Variants in ULK4 observed in about 807,000 individuals in gnomAD.
ULK4 encodes inactive serine/threonine-protein kinase ULK4.
In ULK4, 133 loss-of-function variants were observed where a neutral mutation model predicts 160.6. The ratio of observed to expected loss-of-function variants is 0.83; its 90% CI spans 0.72 to 0.96. The LOEUF is 0.96. ULK4 is among the 40% of genes least tolerant of loss of function. ULK4 has a pLI of 0.00. For missense variants in ULK4, 1,580 were observed against 1,499.5 expected (o/e 1.05, Z -0.89); for synonymous variants, 534 against 539.8 (o/e 0.99, Z 0.15).
At chr3:41,489,631 T>C (rs1016650535) in intron 32 of ULK4, among the ~76,000 whole-genome samples, 10 of 152,162 alleles carry the variant, frequency 6.6e-5, no homozygotes, top group Admixed American at 6.5e-4. Context: ...GTCCAGGCAC[T>C]ATCTGCAAAG....
At chr3:41,251,519 C>G (rs1009513640) in intron 35 of ULK4, among the ~76,000 whole-genome samples, 1 of 152,160 alleles carries the variant, frequency 6.6e-6, no homozygotes, top group Non-Finnish European at 1.5e-5. Flanking sequence ...TTTACCACTT[C>G]TTTCTTAGCC....
intron 35 of ULK4, 58 bp from the exon 36 acceptor site, chr3:41,249,632 T>C: frequency 6.5e-7 from 1 of 1,541,660 alleles, no homozygotes; most frequent in Non-Finnish European, 8.9e-7. Flanking sequence ...ACTCATGCCC[T>C]GTTGGATGGG....
intron 27 of ULK4, among the ~76,000 whole-genome samples, chr3:41,697,826 G>A (rs979622989): frequency 2.6e-5 from 4 of 152,114 alleles, no homozygotes; most frequent in Admixed American, 1.3e-4. Flanking sequence ...TAACTTAAGT[G>A]AACAGTGTTG....
At chr3:41,660,304 A>G (rs566179403) in intron 30 of ULK4, among the ~76,000 whole-genome samples, 20 of 152,314 alleles carry the variant, frequency 1.3e-4, no homozygotes, top group South Asian at 6.2e-4. Context: ...CTCAAAAAAA[A>G]AAGAAGAGAG....
At chr3:41,816,926 T>C (rs903007016) in intron 19 of ULK4, among the ~76,000 whole-genome samples, 4 of 152,146 alleles carry the variant, frequency 2.6e-5, no homozygotes, top group Middle Eastern at 3.2e-3. Context: ...TACACACACA[T>C]GCGCACACAC....
chr3:41,289,033 G>A (rs969647489), intron 35 of ULK4, among the ~76,000 whole-genome samples: 1 of 152,192 alleles, frequency 6.6e-6, no homozygotes, highest in Non-Finnish European at 1.5e-5. Flanking sequence ...CTGTCAGAGC[G>A]CCACGGGGAG....
chr3:41,301,376 A>G (rs1194386964), intron 35 of ULK4, among the ~76,000 whole-genome samples: 1 of 152,208 alleles, frequency 6.6e-6, no homozygotes, highest in African/African-American at 2.4e-5. Flanking sequence ...AATGGACAGA[A>G]TCTTCCCAGG....
chr3:41,806,098 T>G lies in ULK4; in HGVS notation c.1849-5805A>C, dbSNP rs1157728207. On this transcript the variant is annotated intron_variant, in intron 19 of 36. Transcript: ENST00000301831. ...TTGTACCTCTGGTAGAATTCGGCTG[T>G]GAATCCATCTGGTCCTGGACTCTTT... Among the ~76,000 whole-genome samples, 6 of 146,564 alleles carry G rather than the reference T, an allele frequency of 4.1e-5. No homozygotes were observed. The East Asian group carries it at 9.7e-4, about 24-fold the overall frequency.
intron 16 of ULK4, among the ~76,000 whole-genome samples, chr3:41,886,809 C>T (rs9839491): frequency 0.69 from 104,160 of 151,990 alleles, 39,223 homozygotes; most frequent in East Asian, 0.83. Context: ...CTCCTGAACT[C>T]GTGATCCACC....
chr3:41,895,384 C>T (rs1340421349), intron 16 of ULK4, 134 bp downstream of exon 16: 8 of 405,040 alleles, frequency 2.0e-5, no homozygotes, highest in Non-Finnish European at 3.1e-5. Context: ...ATAAAAATTG[C>T]CTATGAGTAG....
intron 25 of ULK4, among the ~76,000 whole-genome samples, chr3:41,707,580 C>G (rs979289814): frequency 6.6e-6 from 1 of 152,060 alleles, no homozygotes; most frequent in Non-Finnish European, 1.5e-5. Flanking sequence ...ACCTACAATC[C>G]CAGCACTGTG....
intron 17 of ULK4, among the ~76,000 whole-genome samples, chr3:41,856,548 TGTGTATATATATACAC>T (rs1474503648): frequency 2.2e-4 from 14 of 62,906 alleles, no homozygotes; most frequent in African/African-American, 1.3e-3. Flanking sequence ...TATATATATA[TGTGTATATATATACAC>T]ATATATATAT....
At chr3:41,712,824 G>A (rs947365521) in intron 25 of ULK4, among the ~76,000 whole-genome samples, 10 of 152,066 alleles carry the variant, frequency 6.6e-5, no homozygotes, top group Admixed American at 2.0e-4. Flanking sequence ...CCTGGGAGGC[G>A]GAGGTTGCAG....
chr3:41,762,391 T>C (rs1400580753), intron 21 of ULK4, among the ~76,000 whole-genome samples: 1 of 152,158 alleles, frequency 6.6e-6, no homozygotes, highest in Non-Finnish European at 1.5e-5. Flanking sequence ...AAAATGTTTT[T>C]TTAAGTTTAA....
chr3:41,867,833 T>C (rs1433249276), intron 17 of ULK4, among the ~76,000 whole-genome samples: 1 of 152,238 alleles, frequency 6.6e-6, no homozygotes, highest in African/African-American at 2.4e-5. Context: ...GTTCCCCTTA[T>C]TACTCAGCTT....
At chr3:41,661,510 T>TAGATAGATAGATAGATA (rs11422963) in intron 30 of ULK4, among the ~76,000 whole-genome samples, 27 of 119,270 alleles carry the variant, frequency 2.3e-4, no homozygotes, top group African/African-American at 1.2e-3. Flanking sequence ...GATAGATAGA[T>TAGATAGATAGATAGATA]GATAGATAGA....
intron 32 of ULK4, among the ~76,000 whole-genome samples, chr3:41,477,548 T>C (rs78537944): frequency 0.02 from 3,069 of 152,282 alleles, 107 homozygotes; most frequent in African/African-American, 0.071. Context: ...AAAAGAAGTA[T>C]AAAAGCATTT....
Position 41,596,344 on chromosome 3 carries a change from T to A in ULK4, c.3120+19325A>T, listed in dbSNP as rs1370839224. Among the ~76,000 whole-genome samples the A allele has an allele frequency of 2.0e-5, 3 of 152,162 alleles. No homozygotes were observed. The East Asian group carries it at 5.8e-4, about 29-fold the overall frequency. ...TGTATTTTTCTCCAGGAGATTTTAA[T>A]TTTTCAGGTGCTGGTGAAGAATAGG... On this transcript the variant is annotated intron_variant, in intron 31 of 36. Transcript: ENST00000301831.
At chr3:41,687,657 C>T (rs1196994595) in intron 27 of ULK4, among the ~76,000 whole-genome samples, 1 of 152,158 alleles carries the variant, frequency 6.6e-6, no homozygotes, top group African/African-American at 2.4e-5. Context: ...GGCACCTGTA[C>T]AATATTTCTA....
Sources: gnomAD v4.1 joint callset for allele counts (sites outside exome capture counted in the v4.1 genomes callset) on GRCh38, gnomAD v4.1.1 for gene constraint, MANE v1.5 for transcripts, NCBI Gene and HGNC (gene_info 2026-07-23, HGNC 2026-07-21) for gene names.